The following MAPKAPK5 variants were observed in gnomAD, a reference collection of about 807,000 sequenced individuals.
The protein encoded by MAPKAPK5 is MAPK activated protein kinase 5.
A neutral mutation model predicts 65.1 loss-of-function variants in MAPKAPK5; 30 were observed. That is an observed-to-expected ratio of 0.46 (90% CI 0.34 to 0.63). The LOEUF (loss-of-function observed/expected upper bound fraction) is 0.63. Ranked by LOEUF, MAPKAPK5 falls within the 20% of genes least tolerant of loss-of-function variation. The pLI, the probability that MAPKAPK5 is intolerant of heterozygous loss-of-function variation, is 0.01. For synonymous variants in MAPKAPK5, 179 were observed against 204.6 expected, an observed-to-expected ratio of 0.87 and a Z score of 1.07; for missense variants, 433 against 581.4, an observed-to-expected ratio of 0.74 and a Z score of 2.63.
Position 111,842,641 on chromosome 12 carries a change from G to T in MAPKAPK5, c.-93G>T. On this transcript the variant is annotated 5_prime_UTR_variant, in exon 1 of 14. Transcript: ENST00000550735. ...CTGCCCGTCGCCACGAGGCCCAGGG[G>T]CCCGAGTGCCGAGCCCTTTGCTCCC... 1.1e-6 allele frequency: 1 copy of T among 923,432 alleles called. No individual in the cohort carries two copies. Among genetic ancestry groups the T allele is most frequent in the South Asian group, 4.6e-5 (1 of 21,620 alleles). 57.2% of individuals were successfully genotyped at this position (923,432 alleles called of 1,614,324 possible).
intron 1 of MAPKAPK5, among the ~76,000 whole-genome samples, chr12:111,850,018 C>A (rs2069026761): frequency 6.7e-6 from 1 of 149,906 alleles, no homozygotes; most frequent in South Asian, 2.1e-4. Flanking sequence ...ACCACCACGA[C>A]TGGTTGTGAA....
chr12:111,872,151 A>C (rs574769151), intron 7 of MAPKAPK5, among the ~76,000 whole-genome samples: 1 of 152,188 alleles, frequency 6.6e-6, no homozygotes, highest in South Asian at 2.1e-4. Context: ...CTTCTTTTAC[A>C]GTTTTTGGGG....
At chr12:111,868,705 T>C in intron 4 of MAPKAPK5, 48 bp from the exon 5 acceptor site, 2 of 1,419,940 alleles carry the variant, frequency 1.4e-6, no homozygotes, top group African/African-American at 1.5e-5. Flanking sequence ...TTTGTTTCTT[T>C]TTCTTTTTTT....
At chr12:111,871,202 C>T (rs1266475199) in intron 7 of MAPKAPK5, 22 bp downstream of exon 7, 2 of 1,596,088 alleles carry the variant, frequency 1.3e-6, no homozygotes, top group African/African-American at 2.7e-5. Context: ...CGGTTTCTGT[C>T]CTAAGATCTG....
chr12:111,875,696 A>G (rs2136124432), intron 7 of MAPKAPK5, among the ~76,000 whole-genome samples: 1 of 152,256 alleles, frequency 6.6e-6, no homozygotes, highest in African/African-American at 2.4e-5. Context: ...TATGGCTCCT[A>G]GAGGGTCTGT....
Position 111,900,925 on chromosome 12 carries a change from AGT to A in MAPKAPK5, c.*7867_*7868del, listed in dbSNP as rs1566299115. The A allele has an allele frequency of 2.2e-6, 1 of 448,898 alleles. No homozygotes were observed. The highest frequency in any genetic ancestry group is 4.4e-6 in the Non-Finnish European group (1 of 224,738). The allele number at this position is 448,898 out of a possible 1,614,324, so 27.8% of individuals were successfully genotyped here. A position where few individuals can be genotyped will look rare whatever the true frequency, so the allele number is the denominator to read the frequency against. On this transcript the variant is annotated 3_prime_UTR_variant, in exon 14 of 14. Transcript: ENST00000550735. The stretch of plus-strand genomic sequence containing the variant: ...TATGGTGCAAAATCAGCCTCACAAG[AGT>A]GTTACAATTCAATGAACAGCAAAGG...
In MAPKAPK5 at chr12:111,842,703, G is replaced by C; in HGVS notation, c.-31G>C. The C allele has an allele frequency of 1.5e-6, 2 of 1,367,126 alleles. No individual in the cohort carries two copies. The allele number at this position is 1,367,126 out of a possible 1,614,324, so 84.7% of individuals were successfully genotyped here. A position where few individuals can be genotyped will look rare whatever the true frequency, so the allele number is the denominator to read the frequency against. On this transcript the variant is annotated 5_prime_UTR_variant, in exon 1 of 14. Transcript: ENST00000550735. ...GGGACAGGGCTGCTGAGCAGCCTCC[G>C]CCTCTCCCGGCTGTGGGGGCCCCAC...
At chr12:111,878,757 C>T (rs886086336) in intron 7 of MAPKAPK5, among the ~76,000 whole-genome samples, 8 of 152,032 alleles carry the variant, frequency 5.3e-5, no homozygotes, top group Non-Finnish European at 1.0e-4. Context: ...CAGAAGCAAC[C>T]GTTCATGAAA....
chr12:111,864,192 T>A (rs1275985894), intron 1 of MAPKAPK5, among the ~76,000 whole-genome samples: 1 of 152,062 alleles, frequency 6.6e-6, no homozygotes, highest in Non-Finnish European at 1.5e-5. Context: ...GTAGGATCAT[T>A]TGAGCCCAAG....
At chr12:111,848,348 T>C (rs116433915) in intron 1 of MAPKAPK5, among the ~76,000 whole-genome samples, 18 of 152,176 alleles carry the variant, frequency 1.2e-4, no homozygotes, top group African/African-American at 4.3e-4. Flanking sequence ...GGACATCTTT[T>C]TGTGTGCAGA....
At chr12:111,846,968 T>C (rs2068924496) in intron 1 of MAPKAPK5, among the ~76,000 whole-genome samples, 3 of 152,162 alleles carry the variant, frequency 2.0e-5, no homozygotes, top group African/African-American at 7.2e-5. Flanking sequence ...GGCTCACTAC[T>C]ATCCAAGATT....
chr12:111,873,392 G>C (rs1464168501), intron 7 of MAPKAPK5, among the ~76,000 whole-genome samples: 1 of 152,100 alleles, frequency 6.6e-6, no homozygotes, highest in Non-Finnish European at 1.5e-5. Flanking sequence ...CCAGCCTGGA[G>C]TGGTGCAATG....
intron 1 of MAPKAPK5, among the ~76,000 whole-genome samples, chr12:111,858,247 C>G (rs1212781752): frequency 6.6e-6 from 1 of 151,874 alleles, no homozygotes; most frequent in Non-Finnish European, 1.5e-5. Context: ...AGGTGTGGTT[C>G]TTTTTGTGTT....
intron 7 of MAPKAPK5, among the ~76,000 whole-genome samples, chr12:111,874,219 AC>A (rs1169064408): frequency 8.6e-5 from 13 of 151,530 alleles, no homozygotes; most frequent in African/African-American, 2.9e-4. Context: ...CCATGGTGAA[AC>A]CCCATCTTTA....
At chr12:111,867,729 G>A in intron 4 of MAPKAPK5, 60 bp downstream of exon 4, 2 of 1,307,728 alleles carry the variant, frequency 1.5e-6, no homozygotes, top group Admixed American at 3.4e-5. Context: ...TAGTGGAGCT[G>A]TCCTCTCTTT....
intron 7 of MAPKAPK5, among the ~76,000 whole-genome samples, chr12:111,873,068 T>C (rs2069835683): frequency 6.6e-6 from 1 of 152,196 alleles, no homozygotes; most frequent in Non-Finnish European, 1.5e-5. Context: ...TCACCATTTT[T>C]TTTTTAATGC....
rs111985924 is a variant in MAPKAPK5, at chr12:111,858,787, C to T, written c.37-6463C>T. Among the ~76,000 whole-genome samples the T allele has an allele frequency of 6.8e-5, 10 of 146,926 alleles. 1 individual carries two copies. The highest frequency in any genetic ancestry group is 2.3e-4 in the South Asian group (1 of 4,438). Reference sequence around the variant, plus strand: ...CGAGCTCCTGACCTCATGATCCGCCCGCCTTGGCCTCCTAAAGTGCTGGGA... The same window carrying T: ...CGAGCTCCTGACCTCATGATCCGCCTGCCTTGGCCTCCTAAAGTGCTGGGA... On this transcript the variant is annotated intron_variant, in intron 1 of 13. Transcript: ENST00000550735.
intron 7 of MAPKAPK5, among the ~76,000 whole-genome samples, chr12:111,876,441 T>G (rs1276125194): frequency 6.6e-6 from 1 of 151,930 alleles, no homozygotes; most frequent in East Asian, 1.9e-4. Flanking sequence ...ATAAAGCACA[T>G]GTACCCCTGA....
At chr12:111,881,499 G>T (rs987390452) in intron 8 of MAPKAPK5, among the ~76,000 whole-genome samples, 4 of 150,754 alleles carry the variant, frequency 2.7e-5, no homozygotes, top group African/African-American at 9.8e-5. Context: ...CCGCCTCCCG[G>T]GTTCAAGCAA....
Sources: allele counts gnomAD v4.1 joint callset (sites outside exome capture counted in the v4.1 genomes callset), GRCh38; gene constraint gnomAD v4.1.1; transcripts MANE v1.5; gene names NCBI Gene and HGNC (gene_info 2026-07-23, HGNC 2026-07-21).